PLA2G4E: variants seen among roughly 807,000 people sequenced by gnomAD.
PLA2G4E encodes the protein phospholipase A2 group IVE.
PLA2G4E carries 84 observed loss-of-function variants against 109.1 expected under a neutral mutation model. That is an observed-to-expected ratio of 0.77 (90% CI 0.65 to 0.92). The LOEUF (loss-of-function observed/expected upper bound fraction) is 0.92, where lower values mean the gene tolerates loss of function less well. PLA2G4E is among the 40% of genes least tolerant of loss of function. PLA2G4E has a pLI of 0.00. For synonymous variants in PLA2G4E, 469 were observed against 436.1 expected (o/e 1.08, Z -0.94); for missense variants, 1,057 against 1,076.6 (o/e 0.98, Z 0.25).
intron 1 of PLA2G4E, among the ~76,000 whole-genome samples, chr15:42,037,970 T>A (rs1355705967): frequency 1.3e-5 from 2 of 152,248 alleles, no homozygotes; most frequent in East Asian, 3.9e-4. Context: ...CCAGGCTGAG[T>A]GGGCAGAACG....
At chr15:41,985,766 T>C in intron 18 of PLA2G4E, 73 bp downstream of exon 18, 1 of 1,500,406 alleles carries the variant, frequency 6.7e-7, no homozygotes, top group Non-Finnish European at 9.1e-7. Context: ...TCACAGCGAG[T>C]GAGGCCACTG....
In PLA2G4E at chr15:42,015,614, CA is replaced by C. The variant is rs975595354; in HGVS notation, c.184-1858del. Among the ~76,000 whole-genome samples, 43 of 152,194 alleles carry C rather than the reference CA, an allele frequency of 2.8e-4. 1 individual carries two copies. The highest frequency in any genetic ancestry group is 9.2e-4 in the African/African-American group (38 of 41,440). On this transcript the variant is annotated intron_variant, in intron 1 of 19. Transcript: ENST00000399518. ...GGCCCTATGCTAGATGCTGGGGGGC[CA>C]GGGGTGAATACTAGGCAGAGACAGA...
At chr15:42,012,443 G>T (rs997345473) in intron 2 of PLA2G4E, among the ~76,000 whole-genome samples, 1 of 152,160 alleles carries the variant, frequency 6.6e-6, no homozygotes, top group African/African-American at 2.4e-5. Context: ...TGCAAAATGG[G>T]CCTCCAGGGC....
At position 42,000,013 on chromosome 15, in the gene PLA2G4E, G is replaced by A; in HGVS notation, c.853-13C>T. Reference sequence around the variant, plus strand: ...AGCGGCAGCAAAGCTGGAGGGATGGGTGGGTTCTGTGAGAGGGGCTGGGGA... The same window carrying A: ...AGCGGCAGCAAAGCTGGAGGGATGGATGGGTTCTGTGAGAGGGGCTGGGGA... On this transcript the variant is annotated splice_polypyrimidine_tract_variant and intron_variant, in intron 8 of 19. Coordinates refer to ENST00000399518, the Ensembl canonical transcript of PLA2G4E. The A allele has an allele frequency of 6.2e-7, 1 of 1,600,276 alleles. No homozygotes were observed. Among genetic ancestry groups the A allele is most frequent in the Non-Finnish European group, 8.5e-7 (1 of 1,173,810 alleles).
At chr15:42,002,454 C>T (rs1279361579) in intron 6 of PLA2G4E, among the ~76,000 whole-genome samples, 200 bp downstream of exon 6, 1 of 152,018 alleles carries the variant, frequency 6.6e-6, no homozygotes, top group African/African-American at 2.4e-5. Context: ...GCTACCTCCT[C>T]CCTCTGTACA....
intron 1 of PLA2G4E, among the ~76,000 whole-genome samples, chr15:42,020,178 C>T (rs75973207): frequency 0.014 from 2,107 of 152,354 alleles, 59 homozygotes; most frequent in African/African-American, 0.048. Context: ...CACCAAGGGG[C>T]AAAGTACTTT....
chr15:42,022,204 G>T (rs530899377), intron 1 of PLA2G4E, among the ~76,000 whole-genome samples: 1 of 152,188 alleles, frequency 6.6e-6, no homozygotes, highest in Non-Finnish European at 1.5e-5. Flanking sequence ...CCCCTCAGAG[G>T]CTCAGGGATC....
At chr15:42,047,181 T>C (rs1889430807) in intron 1 of PLA2G4E, among the ~76,000 whole-genome samples, 1 of 152,254 alleles carries the variant, frequency 6.6e-6, no homozygotes, top group Non-Finnish European at 1.5e-5. Flanking sequence ...TGTCACTATG[T>C]TGACCAGGCT....
At chr15:42,023,872 G>T (rs1309561050) in intron 1 of PLA2G4E, among the ~76,000 whole-genome samples, 3 of 152,094 alleles carry the variant, frequency 2.0e-5, no homozygotes, top group Admixed American at 2.0e-4. Context: ...ATTGAATAGG[G>T]GGCTGATGGG....
chr15:42,013,598 C>G (rs1407978102), intron 2 of PLA2G4E, 87 bp downstream of exon 2: 5 of 1,327,902 alleles, frequency 3.8e-6, no homozygotes, highest in African/African-American at 2.9e-5. Flanking sequence ...CACACACACA[C>G]GGATCCACCT....
At chr15:42,014,928 C>A (rs1051359858) in intron 1 of PLA2G4E, among the ~76,000 whole-genome samples, 1 of 152,170 alleles carries the variant, frequency 6.6e-6, no homozygotes, top group Non-Finnish European at 1.5e-5. Context: ...AGGTGTCCCC[C>A]TTCCCTAGCA....
chr15:42,032,378 GCCCACCAC>G (rs920469681), intron 1 of PLA2G4E, among the ~76,000 whole-genome samples: 1 of 152,192 alleles, frequency 6.6e-6, no homozygotes, highest in Non-Finnish European at 1.5e-5. Flanking sequence ...AAGGGTCCCT[GCCCACCAC>G]CCCACAGGGA....
intron 1 of PLA2G4E, among the ~76,000 whole-genome samples, chr15:42,023,888 G>T (rs1274756313): frequency 6.6e-6 from 1 of 152,136 alleles, no homozygotes; most frequent in African/African-American, 2.4e-5. Flanking sequence ...ATGGGAGCTT[G>T]GTGGAAGTTT....
In PLA2G4E at chr15:42,043,579, A is replaced by C. The variant is rs1014756905; in HGVS notation, c.183+6942T>G. ...ATGGAGGATACAAAAAAAAAAAAAA[A>C]AAAAACAACCACAAACCAAAGAGGC... is the stretch of plus-strand genomic sequence containing the variant. On this transcript the variant is annotated intron_variant, in intron 1 of 19. Coordinates refer to ENST00000399518, the Ensembl canonical transcript of PLA2G4E. 5.9e-4 allele frequency among the ~76,000 whole-genome samples: 89 copies of C among 151,678 alleles called. 1 individual carries two copies. Among genetic ancestry groups the C allele is most frequent in the African/African-American group, 2.0e-3 (84 of 41,360 alleles).
chr15:41,984,363 G>T, intron 19 of PLA2G4E, 73 bp downstream of exon 19: 2 of 1,454,686 alleles, frequency 1.4e-6, no homozygotes, highest in Non-Finnish European at 1.9e-6. Flanking sequence ...TGCCCTTAGA[G>T]ACTCTACAGA....
At position 41,997,266 on chromosome 15, in the gene PLA2G4E, G is replaced by T; in HGVS notation, c.975-7C>A. 1.3e-6 allele frequency: 2 copies of T among 1,539,786 alleles called. No individual in the cohort carries two copies. Among genetic ancestry groups the T allele is most frequent in the Non-Finnish European group, 1.8e-6 (2 of 1,140,006 alleles). ...CACGTCCAGTGTCTCAGGGCTGGAG[G>T]GAGAGAGGACCCTGTATTGGGCCTG... On this transcript the variant is annotated splice_polypyrimidine_tract_variant and splice_region_variant and intron_variant, in intron 10 of 19. Transcript: ENST00000399518.
intron 7 of PLA2G4E, among the ~76,000 whole-genome samples, 192 bp downstream of exon 7, chr15:42,000,965 C>A (rs1014597300): frequency 2.6e-5 from 4 of 152,152 alleles, no homozygotes; most frequent in African/African-American, 9.7e-5. Flanking sequence ...GGCGAACACG[C>A]CCTTTACAGA....
intron 6 of PLA2G4E, among the ~76,000 whole-genome samples, chr15:42,002,264 CA>C (rs71108143): frequency 3.8e-4 from 28 of 73,210 alleles, no homozygotes; most frequent in Middle Eastern, 9.6e-3. Flanking sequence ...GACCTTGTCT[CA>C]AAAAAAAAAA....
chr15:42,012,579 A>C (rs988461781), intron 2 of PLA2G4E, among the ~76,000 whole-genome samples: 2 of 152,054 alleles, frequency 1.3e-5, no homozygotes. Context: ...CGGGCTCCCA[A>C]GGCCTCTGGA....
Sources: allele counts gnomAD v4.1 joint callset (sites outside exome capture counted in the v4.1 genomes callset), GRCh38; gene constraint gnomAD v4.1.1; transcripts MANE v1.5; gene names NCBI Gene and HGNC (gene_info 2026-07-23, HGNC 2026-07-21).